The following CCDC91 variants were observed in gnomAD, a reference collection of about 807,000 sequenced individuals.
CCDC91 encodes coiled-coil domain containing 91.
CCDC91 carries 48 observed loss-of-function variants against 63.2 expected under a neutral mutation model. The observed-to-expected ratio is 0.76, with a 90% CI of 0.60 to 0.97. The LOEUF (loss-of-function observed/expected upper bound fraction) is 0.97, where lower values mean the gene tolerates loss of function less well. Among genes scored for constraint, CCDC91 ranks in the 50% least tolerant of loss-of-function variants. The pLI is 0.00. For synonymous variants in CCDC91, 167 were observed against 165.8 expected, an observed-to-expected ratio of 1.01 and a Z score of -0.06; for missense variants, 500 against 494.6, an observed-to-expected ratio of 1.01 and a Z score of -0.10.
intron 7 of CCDC91, among the ~76,000 whole-genome samples, chr12:28,386,677 T>C (rs1287987562): frequency 6.6e-6 from 1 of 152,218 alleles, no homozygotes. Flanking sequence ...TAAAAATTAT[T>C]CTTAAAGTGT....
chr12:28,476,018 A>T (rs1188688174), intron 11 of CCDC91, among the ~76,000 whole-genome samples: 1 of 151,888 alleles, frequency 6.6e-6, no homozygotes, highest in Non-Finnish European at 1.5e-5. Flanking sequence ...TATTTTGGTT[A>T]AAAAAACTGC....
At chr12:28,307,159 G>GT (rs1416735999) in intron 5 of CCDC91, among the ~76,000 whole-genome samples, 4 of 151,860 alleles carry the variant, frequency 2.6e-5, no homozygotes, top group South Asian at 2.1e-4. Context: ...CGTTTACTAG[G>GT]TTTTTTCTAA....
intron 12 of CCDC91, among the ~76,000 whole-genome samples, chr12:28,507,800 A>C (rs939062445): frequency 6.6e-6 from 1 of 152,080 alleles, no homozygotes; most frequent in South Asian, 2.1e-4. Context: ...CATGTGCAAA[A>C]AATTCATTAG....
At chr12:28,195,482 T>C (rs7961407) in intron 1 of CCDC91, among the ~76,000 whole-genome samples, 39,578 of 151,958 alleles carry the variant, frequency 0.26, 5,409 homozygotes, top group Non-Finnish European at 0.31. Context: ...CTTGCCTTGT[T>C]AAAAATCAGT....
chr12:28,466,136 A>G (rs1459785751), intron 11 of CCDC91, among the ~76,000 whole-genome samples: 1 of 152,164 alleles, frequency 6.6e-6, no homozygotes, highest in African/African-American at 2.4e-5. Flanking sequence ...CAGAAGAAAG[A>G]ATTACTGAGC....
chr12:28,474,222 G>T (rs558175435), intron 11 of CCDC91, among the ~76,000 whole-genome samples: 1 of 151,956 alleles, frequency 6.6e-6, no homozygotes, highest in Non-Finnish European at 1.5e-5. Flanking sequence ...CAACAAAGTC[G>T]TTTTTTCTTG....
intron 1 of CCDC91, chr12:28,236,576 G>A (rs1389405190): frequency 2.0e-5 from 3 of 151,890 alleles, no homozygotes; most frequent in Non-Finnish European, 4.4e-5. Flanking sequence ...ATTAAAATAT[G>A]TCTCAGATTA....
chr12:28,519,790 A>T (rs1035681324), intron 12 of CCDC91, among the ~76,000 whole-genome samples: 2 of 140,230 alleles, frequency 1.4e-5, no homozygotes, highest in African/African-American at 5.4e-5. Flanking sequence ...TCATTGTTCA[A>T]ATCCCACCTA....
intron 1 of CCDC91, among the ~76,000 whole-genome samples, chr12:28,213,491 T>C (rs1225590324): frequency 2.6e-5 from 4 of 152,330 alleles, no homozygotes; most frequent in East Asian, 1.9e-4. Context: ...TCTATTGATA[T>C]GGGCTCACTA....
chr12:28,387,558 A>C (rs1945680695), intron 7 of CCDC91, among the ~76,000 whole-genome samples: 1 of 151,930 alleles, frequency 6.6e-6, no homozygotes, highest in Admixed American at 6.6e-5. Context: ...CTTTCCCCCA[A>C]GTCCCCAAAA....
chr12:28,328,404 A>G (rs1197530419), intron 6 of CCDC91, among the ~76,000 whole-genome samples: 5 of 152,222 alleles, frequency 3.3e-5, no homozygotes, highest in African/African-American at 1.2e-4. Context: ...CTATACACAT[A>G]TAATGGAATA....
intron 6 of CCDC91, among the ~76,000 whole-genome samples, chr12:28,323,809 T>C (rs1940741827): frequency 6.6e-6 from 1 of 151,878 alleles, no homozygotes; most frequent in African/African-American, 2.4e-5. Flanking sequence ...GAGTGGCATA[T>C]GCAAAGCCCT....
chr12:28,369,443 C>T (rs1944474014), intron 7 of CCDC91, among the ~76,000 whole-genome samples: 1 of 152,210 alleles, frequency 6.6e-6, no homozygotes, highest in Admixed American at 6.5e-5. Flanking sequence ...AGCTCTCCCC[C>T]TGAGGCTCTG....
At chr12:28,316,409 C>T (rs1294552821) in intron 6 of CCDC91, among the ~76,000 whole-genome samples, 2 of 151,568 alleles carry the variant, frequency 1.3e-5, no homozygotes, top group Non-Finnish European at 3.0e-5. Context: ...AATCTCTCAT[C>T]ATTTCTGAGT....
At chr12:28,295,755 A>G (rs1298998545) in intron 3 of CCDC91, among the ~76,000 whole-genome samples, 5 of 152,102 alleles carry the variant, frequency 3.3e-5, no homozygotes, top group Admixed American at 6.5e-5. Context: ...TTAAGGATCT[A>G]GTTTCCAGAG....
At chr12:28,486,040 A>C (rs1951707775) in intron 12 of CCDC91, among the ~76,000 whole-genome samples, 1 of 152,172 alleles carries the variant, frequency 6.6e-6, no homozygotes, top group Admixed American at 6.6e-5. Flanking sequence ...ATAATACTTT[A>C]TCATTGACTA....
chr12:28,502,603 A>C (rs1486080931), intron 12 of CCDC91, among the ~76,000 whole-genome samples: 4 of 150,504 alleles, frequency 2.7e-5, no homozygotes, highest in East Asian at 3.9e-4. Context: ...ATATGGAACC[A>C]AAAAAGAGCC....
intron 11 of CCDC91, among the ~76,000 whole-genome samples, chr12:28,461,779 A>G (rs1479086526): frequency 2.0e-5 from 3 of 152,106 alleles, no homozygotes; most frequent in Non-Finnish European, 4.4e-5. Context: ...CAGTACCACT[A>G]AATTGCTAAT....
At chr12:28,218,150 C>T (rs1253371745) in intron 1 of CCDC91, among the ~76,000 whole-genome samples, 2 of 151,980 alleles carry the variant, frequency 1.3e-5, no homozygotes, top group Non-Finnish European at 2.9e-5. Context: ...ATCTTTTTCC[C>T]CTAATATCTT....
Sources: allele counts gnomAD v4.1 joint callset (sites outside exome capture counted in the v4.1 genomes callset), GRCh38; gene constraint gnomAD v4.1.1; transcripts MANE v1.5; gene names NCBI Gene and HGNC (gene_info 2026-07-23, HGNC 2026-07-21).